Variants in TNNT3 observed in about 807,000 individuals in gnomAD.
TNNT3 encodes the protein troponin T, fast skeletal muscle.
A neutral mutation model predicts 54.2 loss-of-function variants in TNNT3; 36 were observed. That is an observed-to-expected ratio of 0.66 (90% CI 0.51 to 0.88). The LOEUF (loss-of-function observed/expected upper bound fraction) is 0.88, where lower values mean the gene tolerates loss of function less well. Ranked by LOEUF, TNNT3 falls within the 40% of genes least tolerant of loss-of-function variation. The probability of loss-of-function intolerance (pLI) is 0.00; values close to 1 mark genes in which losing one functional copy is unlikely to be tolerated. For missense variants in TNNT3, 291 were observed against 331.6 expected (o/e 0.88, Z 0.95); for synonymous variants, 120 against 109.7 (o/e 1.09, Z -0.59).
rs751175562 is a variant in TNNT3, at chr11:1,938,516, G to A, written c.*24G>A. ...AGAGAGGCCAGAAAGGCCCCTCGAGGCAGAGACCCTCCGCCCTCTTGCACA... is the reference window on the plus strand; with the variant it reads ...AGAGAGGCCAGAAAGGCCCCTCGAGACAGAGACCCTCCGCCCTCTTGCACA... On this transcript the variant is annotated 3_prime_UTR_variant, in exon 16 of 16. Transcript: ENST00000278317. The A allele has an allele frequency of 4.3e-6, 7 of 1,612,246 alleles. No homozygotes were observed. In the East Asian group the frequency reaches 1.6e-4, roughly 36 times the overall value.
intron 14 of TNNT3, among the ~76,000 whole-genome samples, chr11:1,935,751 C>T (rs1200487559): frequency 2.0e-5 from 3 of 152,094 alleles, no homozygotes; most frequent in South Asian, 2.1e-4. Context: ...CAGGGGAGGG[C>T]GGCTGTGCCC....
chr11:1,928,921 T>TACACCCCCTC (rs1852408137), intron 6 of TNNT3, 199 bp from the exon 7 acceptor site: 7 of 675,230 alleles, frequency 1.0e-5, no homozygotes, highest in Non-Finnish European at 1.9e-5. Flanking sequence ...CCCAGCCCCT[T>TACACCCCCTC]CCACCCCCTC....
intron 14 of TNNT3, chr11:1,936,230 C>T (rs1360411951): frequency 3.7e-6 from 6 of 1,613,772 alleles, no homozygotes; most frequent in Non-Finnish European, 5.1e-6. Context: ...AATGTCCGGG[C>T]CAGAGTGCAG....
chr11:1,929,056 G>T, intron 6 of TNNT3, 64 bp from the exon 7 acceptor site: 3 of 1,598,094 alleles, frequency 1.9e-6, no homozygotes, highest in Non-Finnish European at 2.6e-6. Flanking sequence ...CTTGCCCACT[G>T]CTCCCCCGCA....
At chr11:1,933,500 G>A (rs187853869) in intron 9 of TNNT3, among the ~76,000 whole-genome samples, 142 of 152,330 alleles carry the variant, frequency 9.3e-4, no homozygotes, top group African/African-American at 3.2e-3. Context: ...TCCCTGCTGT[G>A]TGGCTCAGGA....
intron 4 of TNNT3, among the ~76,000 whole-genome samples, 192 bp downstream of exon 4, chr11:1,923,764 C>T (rs1320228830): frequency 6.6e-6 from 1 of 151,992 alleles, no homozygotes; most frequent in Non-Finnish European, 1.5e-5. Flanking sequence ...TAAATGAGGC[C>T]ACCACTTAAT....
rs776425941 is a variant in TNNT3, at chr11:1,932,499, G to A, written c.156G>A (p.Glu52=). Residue 52 remains glutamate (E), a synonymous_variant, in exon 9 of 16, where the codon GAG becomes GAA. Coordinates refer to ENST00000278317, the MANE Select transcript of TNNT3 (RefSeq NM_006757.4). ...KLTAPKIPEG[E]KVDFDDIQKK... Reference sequence around the variant, plus strand: ...CTGCTCCTAAGATCCCAGAAGGGGAGAAAGTGGACTTCGATGTAAGTTTAC... The same window carrying A: ...CTGCTCCTAAGATCCCAGAAGGGGAAAAAGTGGACTTCGATGTAAGTTTAC... 5.6e-6 allele frequency: 9 copies of A among 1,613,792 alleles called. No homozygotes were observed. Among genetic ancestry groups the A allele is most frequent in the South Asian group, 1.1e-5 (1 of 91,080 alleles).
chr11:1,926,401 G>A (rs910021962), intron 5 of TNNT3: 15 of 1,601,096 alleles, frequency 9.4e-6, no homozygotes, highest in Admixed American at 3.3e-5. Context: ...CATTAACCTC[G>A]GACGCTTCTC....
At chr11:1,929,465 A>G (rs545184643) in intron 7 of TNNT3, among the ~76,000 whole-genome samples, 126 of 151,766 alleles carry the variant, frequency 8.3e-4, no homozygotes, top group African/African-American at 2.8e-3. Flanking sequence ...TTTCCTCCCA[A>G]TCTTCTTCCC....
chr11:1,932,601 C>T, intron 9 of TNNT3, 87 bp downstream of exon 9: 1 of 1,392,224 alleles, frequency 7.2e-7, no homozygotes, highest in Non-Finnish European at 1.0e-6. Flanking sequence ...TCACTTCCTC[C>T]CAAGTAGCCA....
At chr11:1,935,128 A>T in intron 14 of TNNT3, 1 of 647,444 alleles carries the variant, frequency 1.5e-6, no homozygotes, top group Non-Finnish European at 2.8e-6. Flanking sequence ...CTGGCTGGCC[A>T]TGCAGCGCCC....
At chr11:1,938,016 C>T (rs1172049529) in intron 15 of TNNT3, among the ~76,000 whole-genome samples, 3 of 152,208 alleles carry the variant, frequency 2.0e-5, no homozygotes, top group Non-Finnish European at 4.4e-5. Flanking sequence ...CCTCCCGGCT[C>T]GTGGCCACAT....
At chr11:1,928,554 G>A (rs1233207617) in intron 6 of TNNT3, among the ~76,000 whole-genome samples, 1 of 152,140 alleles carries the variant, frequency 6.6e-6, no homozygotes, top group Non-Finnish European at 1.5e-5. Flanking sequence ...GGACTCAGGC[G>A]GGGGCTCCTG....
intron 15 of TNNT3, among the ~76,000 whole-genome samples, chr11:1,937,336 C>A (rs1855420624): frequency 6.6e-6 from 1 of 152,126 alleles, no homozygotes; most frequent in African/African-American, 2.4e-5. Flanking sequence ...ACTCGGGGGG[C>A]CTTTGGTGTG....
At chr11:1,919,811 C>T (rs1009610911) in intron 1 of TNNT3, 49 bp downstream of exon 1, 5 of 152,210 alleles carry the variant, frequency 3.3e-5, no homozygotes. Flanking sequence ...GACGGGGCCT[C>T]CTGCGTGCGG....
In TNNT3 at chr11:1,934,320, G is replaced by T; in HGVS notation, c.367-12G>T. On this transcript the variant is annotated splice_polypyrimidine_tract_variant and intron_variant, in intron 11 of 15. Transcript: ENST00000278317. ...TCCATCCCTGAGCATCTTGGGAATG[G>T]GGTCTCCACAGGAGGAAAAGGCCAG... 6.2e-7 allele frequency: 1 copy of T among 1,609,328 alleles called. No homozygotes were observed. The highest frequency in any genetic ancestry group is 8.5e-7 in the Non-Finnish European group (1 of 1,176,060).
chr11:1,929,715 C>A, intron 7 of TNNT3, 95 bp from the exon 8 acceptor site: 1 of 1,412,356 alleles, frequency 7.1e-7, no homozygotes, highest in Non-Finnish European at 9.8e-7. Flanking sequence ...TGAAGGGGAA[C>A]CCAGGGCCGC....
chr11:1,938,315 T>G (rs1855743861), intron 15 of TNNT3, 123 bp from the exon 16 acceptor site: 1 of 1,081,512 alleles, frequency 9.2e-7, no homozygotes. Context: ...GCCGCAAGCT[T>G]GGGCCGGGCC....
At chr11:1,936,127 G>A (rs1590006776) in intron 14 of TNNT3, 2 of 1,486,138 alleles carry the variant, frequency 1.3e-6, no homozygotes, top group African/African-American at 1.4e-5. Flanking sequence ...AGAGCCTGGA[G>A]GGCCATCACC....
Sources: gnomAD v4.1 joint callset for allele counts (sites outside exome capture counted in the v4.1 genomes callset) on GRCh38, gnomAD v4.1.1 for gene constraint, MANE v1.5 for transcripts, NCBI Gene and HGNC (gene_info 2026-07-23, HGNC 2026-07-21) for gene names.